GMDS: variants seen among roughly 807,000 people sequenced by gnomAD.
The protein encoded by GMDS is GDP-mannose 4,6 dehydratase.
GMDS carries 20 observed loss-of-function variants against 49.9 expected under a neutral mutation model. The ratio of observed to expected loss-of-function variants is 0.40; its 90% confidence interval spans 0.28 to 0.58. The LOEUF is 0.58. Among genes scored for constraint, GMDS ranks in the 20% least tolerant of loss-of-function variants. GMDS has a pLI of 0.42. For missense variants in GMDS, 362 were observed against 481.4 expected (o/e 0.75, Z 2.32); for synonymous variants, 177 against 178.6 (o/e 0.99, Z 0.07).
intron 7 of GMDS, among the ~76,000 whole-genome samples, chr6:1,893,419 T>G (rs1759987818): frequency 6.6e-6 from 1 of 152,114 alleles, no homozygotes; most frequent in African/African-American, 2.4e-5. Context: ...CTCGAACTCC[T>G]GACATTAGGT....
chr6:2,045,661 T>C (rs1165252367), intron 4 of GMDS, among the ~76,000 whole-genome samples: 1 of 152,092 alleles, frequency 6.6e-6, no homozygotes, highest in Non-Finnish European at 1.5e-5. Flanking sequence ...GTGACAGTGG[T>C]GGTAAGGGTG....
intron 4 of GMDS, among the ~76,000 whole-genome samples, chr6:2,086,564 C>T (rs540933592): frequency 2.0e-5 from 3 of 152,346 alleles, no homozygotes; most frequent in African/African-American, 7.2e-5. Flanking sequence ...GCAGCTGACT[C>T]GGGGACTTCG....
chr6:1,825,885 A>G (rs1233576860), intron 7 of GMDS, among the ~76,000 whole-genome samples: 3 of 152,124 alleles, frequency 2.0e-5, no homozygotes, highest in Non-Finnish European at 4.4e-5. Context: ...GCGTGGTGGC[A>G]TGCACATGTA....
At chr6:2,194,295 T>C (rs531185941) in intron 1 of GMDS, among the ~76,000 whole-genome samples, 22 of 152,280 alleles carry the variant, frequency 1.4e-4, no homozygotes, top group Middle Eastern at 3.4e-3. Context: ...TAAAAGAACA[T>C]TAAAGCAGAG....
intron 1 of GMDS, among the ~76,000 whole-genome samples, chr6:2,158,783 GCTGA>G (rs1777233545): frequency 6.6e-6 from 1 of 152,194 alleles, no homozygotes; most frequent in Admixed American, 6.5e-5. Flanking sequence ...ACATGGATGC[GCTGA>G]CTATGGCCTT....
At position 1,766,754 on chromosome 6, in the gene GMDS, C is replaced by T. The variant is rs1451246643; in HGVS notation, c.772-24168G>A. Reference sequence around the variant, plus strand: ...CTGCTTACACGGAGGAGCTGCACATCGAACATGCTAAAAACTGCGTTATGT... The same window carrying T: ...CTGCTTACACGGAGGAGCTGCACATTGAACATGCTAAAAACTGCGTTATGT... On this transcript the variant is annotated intron_variant, in intron 7 of 10. Coordinates refer to ENST00000380815, the MANE Select transcript of GMDS (RefSeq NM_001500.4). The surrounding 1 kb of genome is among the most constrained non-coding windows in gnomAD (Gnocchi z 4.5). Among the ~76,000 whole-genome samples, 4 of 152,296 alleles carry T rather than the reference C, an allele frequency of 2.6e-5. No homozygotes were observed. Among genetic ancestry groups the T allele is most frequent in the South Asian group, 2.1e-4 (1 of 4,826 alleles).
At chr6:1,738,182 C>G (rs1273524919) in intron 8 of GMDS, among the ~76,000 whole-genome samples, 1 of 151,360 alleles carries the variant, frequency 6.6e-6, no homozygotes, top group South Asian at 2.1e-4. Context: ...TACACACACA[C>G]ATATACACAC....
At chr6:1,973,593 T>C (rs1764734730) in intron 4 of GMDS, among the ~76,000 whole-genome samples, 1 of 152,114 alleles carries the variant, frequency 6.6e-6, no homozygotes, top group Non-Finnish European at 1.5e-5. Flanking sequence ...TAATGAAAAG[T>C]CACTTCAGCT....
At chr6:2,224,954 G>A (rs1780751639) in intron 1 of GMDS, among the ~76,000 whole-genome samples, 2 of 152,156 alleles carry the variant, frequency 1.3e-5, no homozygotes, top group Non-Finnish European at 2.9e-5. Context: ...GAAAGTCACA[G>A]AACTGAGAAC....
chr6:1,931,085 T>C (rs190853797), intron 6 of GMDS: 2 of 152,338 alleles, frequency 1.3e-5, no homozygotes, highest in East Asian at 3.9e-4. Flanking sequence ...TACCTTGTTA[T>C]CTAGGTAAGG....
At chr6:2,077,204 T>G (rs896861394) in intron 4 of GMDS, among the ~76,000 whole-genome samples, 2 of 152,170 alleles carry the variant, frequency 1.3e-5, no homozygotes, top group Admixed American at 6.5e-5. Context: ...AGTCTTGTTT[T>G]TTTCTAATAA....
chr6:1,921,898 T>C (rs1761732483), intron 7 of GMDS, among the ~76,000 whole-genome samples: 1 of 152,116 alleles, frequency 6.6e-6, no homozygotes, highest in South Asian at 2.1e-4. Context: ...TTTCCCACAA[T>C]GGAAAACAAT....
intron 4 of GMDS, among the ~76,000 whole-genome samples, chr6:2,085,333 T>C (rs894106061): frequency 6.6e-6 from 1 of 152,174 alleles, no homozygotes; most frequent in Non-Finnish European, 1.5e-5. Context: ...GGCTTTTTAG[T>C]ATAGCAAATA....
At chr6:2,240,751 C>G (rs1180642804) in intron 1 of GMDS, among the ~76,000 whole-genome samples, 1 of 152,094 alleles carries the variant, frequency 6.6e-6, no homozygotes, top group Non-Finnish European at 1.5e-5. Flanking sequence ...TTATTTTAAT[C>G]TACCATAATT....
Position 2,222,132 on chromosome 6 carries a change from C to T in GMDS, c.102+23189G>A, listed in dbSNP as rs147846704. 7.2e-4 allele frequency among the ~76,000 whole-genome samples: 109 copies of T among 152,342 alleles called. 1 individual carries two copies. In the East Asian group the frequency reaches 0.019, roughly 27 times the overall value. ...GTATGCTGAAGTCTGATAATGACAG[C>T]TTTTACACACTGTCACCAAATTACG... On this transcript the variant is annotated intron_variant, in intron 1 of 10. Coordinates refer to ENST00000380815, the MANE Select transcript of GMDS (RefSeq NM_001500.4).
At chr6:1,954,538 CA>C (rs1763528664) in intron 6 of GMDS, among the ~76,000 whole-genome samples, 1 of 152,256 alleles carries the variant, frequency 6.6e-6, no homozygotes, top group Non-Finnish European at 1.5e-5. Flanking sequence ...GCTGCTTTAA[CA>C]ACTAAACCTA....
intron 4 of GMDS, among the ~76,000 whole-genome samples, chr6:2,069,947 T>C (rs1771880963): frequency 6.6e-6 from 1 of 151,986 alleles, no homozygotes; most frequent in Non-Finnish European, 1.5e-5. Context: ...TAAATCATGC[T>C]GCTATAAAGA....
At chr6:1,646,472 G>T (rs1039349043) in intron 9 of GMDS, among the ~76,000 whole-genome samples, 1 of 152,220 alleles carries the variant, frequency 6.6e-6, no homozygotes, top group African/African-American at 2.4e-5. Context: ...AGGCTGGAGT[G>T]CAGTGGCACG....
chr6:1,752,281 T>C (rs1311036096), intron 7 of GMDS, among the ~76,000 whole-genome samples: 2 of 152,100 alleles, frequency 1.3e-5, no homozygotes, highest in Non-Finnish European at 2.9e-5. Flanking sequence ...GAAGAAAGGA[T>C]ATCAGAGATT....
Sources: allele counts gnomAD v4.1 joint callset (sites outside exome capture counted in the v4.1 genomes callset), GRCh38; gene constraint gnomAD v4.1.1; non-coding constraint Gnocchi (gnomAD v3.1); transcripts MANE v1.5; gene names NCBI Gene and HGNC (gene_info 2026-07-23, HGNC 2026-07-21).